Variants in MZT2B observed in about 807,000 individuals in gnomAD.
The protein encoded by MZT2B is mitotic spindle organizing protein 2B, also known as mitotic-spindle organizing protein 2B.
MZT2B carries 11 observed loss-of-function variants against 12.1 expected under a neutral mutation model. That is an observed-to-expected ratio of 0.91 (90% confidence interval 0.57 to 1.50). The LOEUF (loss-of-function observed/expected upper bound fraction) is 1.50. MZT2B is among the 40% of genes most tolerant of loss of function. The probability of loss-of-function intolerance (pLI) is 0.00; values close to 1 mark genes in which losing one functional copy is unlikely to be tolerated. For synonymous variants in MZT2B, 85 were observed against 109.5 expected, an observed-to-expected ratio of 0.78 and a Z score of 1.40; for missense variants, 209 against 227.7, an observed-to-expected ratio of 0.92 and a Z score of 0.53.
the MZT2B span, among the ~76,000 whole-genome samples, chr2:130,203,201 TG>T: frequency 6.6e-6 from 1 of 152,144 alleles, no homozygotes; most frequent in Non-Finnish European, 1.5e-5. Flanking sequence ...TCCTCTAAAA[TG>T]GGGCAGATTT....
the MZT2B span, chr2:130,202,209 A>G: frequency 1.0e-6 from 1 of 956,878 alleles, no homozygotes; most frequent in Non-Finnish European, 1.4e-6. Flanking sequence ...CAGCACTAAA[A>G]AAAACAGTCC....
upstream of MZT2B, chr2:130,182,048 A>G (rs1453068859): frequency 1.5e-6 from 2 of 1,337,406 alleles, no homozygotes. Flanking sequence ...CAAGCAGCGG[A>G]CCCCTGCGGT....
chr2:130,186,141 G>A (rs1438734135), intron 2 of MZT2B, among the ~76,000 whole-genome samples: 4 of 152,034 alleles, frequency 2.6e-5, no homozygotes, highest in Non-Finnish European at 4.4e-5. Flanking sequence ...GAGGACATAA[G>A]GGGGGTTGTT....
chr2:130,182,660 C>A lies in MZT2B; in HGVS notation c.204C>A (p.Ala68=). 1.3e-6 allele frequency: 2 copies of A among 1,552,252 alleles called. No homozygotes were observed. The highest frequency in any genetic ancestry group is 1.7e-6 in the Non-Finnish European group (2 of 1,149,174). Reference sequence around the variant, plus strand: ...TGGACCTGCTGAAGCTGAACGTGGCCCCCCTCGCCGTCTTCCAGATGCTCA... The same window carrying A: ...TGGACCTGCTGAAGCTGAACGTGGCACCCCTCGCCGTCTTCCAGATGCTCA... ...ILVDLLKLNV[A]PLAVFQMLKS... Residue 68 remains alanine (A), a synonymous_variant, in exon 2 of 3, where the codon GCC becomes GCA. Coordinates refer to ENST00000281871, the MANE Select transcript of MZT2B (RefSeq NM_025029.5).
chr2:130,201,917 C>T, the MZT2B span, among the ~76,000 whole-genome samples: 1 of 152,266 alleles, frequency 6.6e-6, no homozygotes, highest in South Asian at 2.1e-4. Flanking sequence ...GGTATTATAA[C>T]TTTATGGGAC....
chr2:130,193,978 C>T (rs747203330), downstream of MZT2B: 8 of 1,614,078 alleles, frequency 5.0e-6, no homozygotes, highest in African/African-American at 8.0e-5. Flanking sequence ...TGATCTCGGC[C>T]ACAGACAGCT....
chr2:130,186,310 C>A (rs957491958), intron 2 of MZT2B, among the ~76,000 whole-genome samples: 1 of 152,094 alleles, frequency 6.6e-6, no homozygotes, highest in South Asian at 2.1e-4. Flanking sequence ...TCCAGACAGC[C>A]TGTGGGGACA....
Position 130,182,840 on chromosome 2 carries a change from C to T in MZT2B, c.319+65C>T, listed in dbSNP as rs1268415668. ...GTGGCGGGCGGGGAGGGGGCAGGCGCGGCACAGCGGCGGCGTGGCCCTGAG... is the reference window on the plus strand; with the variant it reads ...GTGGCGGGCGGGGAGGGGGCAGGCGTGGCACAGCGGCGGCGTGGCCCTGAG... On this transcript the variant is annotated intron_variant, in intron 2 of 2. Transcript: ENST00000281871. 5.6e-6 allele frequency: 8 copies of T among 1,416,524 alleles called. No homozygotes were observed. In the East Asian group the frequency reaches 1.5e-4, roughly 27 times the overall value. The allele number at this position is 1,416,524 out of a possible 1,614,324, so 87.7% of individuals were successfully genotyped here.
chr2:130,182,168 C>T, upstream of MZT2B: 2 of 1,267,490 alleles, frequency 1.6e-6, no homozygotes, highest in Non-Finnish European at 2.0e-6. Flanking sequence ...GCGCTCCCGC[C>T]CCTCCCGCCA....
chr2:130,197,441 C>T, the MZT2B span, among the ~76,000 whole-genome samples: 13 of 100,830 alleles, frequency 1.3e-4, 3 homozygotes, highest in Admixed American at 7.3e-4. Context: ...GAGCCGTGAT[C>T]TTGCAACTGT....
chr2:130,196,491 C>T, the MZT2B span: 23 of 1,392,804 alleles, frequency 1.7e-5, no homozygotes, highest in Admixed American at 2.6e-5. Context: ...CTTTCACAAT[C>T]GATATTTCCT....
intron 2 of MZT2B, chr2:130,185,028 G>A: frequency 2.5e-6 from 1 of 395,674 alleles, no homozygotes; most frequent in Non-Finnish European, 3.4e-6. Flanking sequence ...AGCCAGGCAG[G>A]GCTGGGCGCG....
rs183240124 is a variant in MZT2B at position 130,183,300 on chromosome 2, C to A, written c.319+525C>A. Reference sequence around the variant, plus strand: ...GGCAGAGGTCTTCCTGCCTTTACCCCACCTGGGCCCAGTTCCTGCGCAGGG... The same window carrying A: ...GGCAGAGGTCTTCCTGCCTTTACCCAACCTGGGCCCAGTTCCTGCGCAGGG... On this transcript the variant is annotated intron_variant, in intron 2 of 2. Transcript: ENST00000281871. 3.0e-3 allele frequency: 844 copies of A among 276,822 alleles called. 6 individuals are homozygous for A. Among genetic ancestry groups the A allele is most frequent in the Middle Eastern group, 0.028 (22 of 774 alleles). 17.1% of individuals were successfully genotyped at this position (276,822 alleles called of 1,614,324 possible).
Position 130,182,444 on chromosome 2 carries a change from C to A in MZT2B, c.162C>A (p.Asp54Glu), listed in dbSNP as rs201954757. 2.6e-3 allele frequency: 4,051 copies of A among 1,559,498 alleles called. 27 individuals carry two copies. The Middle Eastern group carries it at 0.03, about 11-fold the overall frequency. The change falls in exon 1 of 3, where the codon GAC becomes GAA. Residue 54 changes from aspartate (D) to glutamate (E), a missense_variant. Coordinates refer to ENST00000281871, the MANE Select transcript of MZT2B (RefSeq NM_025029.5). ...CGGCGGGCGGCGCTATCGACCCCGA[C>A]GTGTTCAAGTGAGCGGGGCGGGTGG... ...AQAAGGAIDP[D>E]VFKILVDLLK...
Position 130,189,788 on chromosome 2 carries a change from ACT to A in MZT2B, c.320-678_320-677del, listed in dbSNP as rs978429590. Among the ~76,000 whole-genome samples, 11 of 152,190 alleles carry A rather than the reference ACT, an allele frequency of 7.2e-5. No individual in the cohort carries two copies. In the East Asian group the frequency reaches 1.4e-3, roughly 19 times the overall value. On this transcript the variant is annotated intron_variant, in intron 2 of 2. Transcript: ENST00000281871. ...AGTAAGCAAATTACAAATCAAAGAAACTCTGAACCAGTGGTCTTCATCCAAGA... is the reference window on the plus strand; with the variant it reads ...AGTAAGCAAATTACAAATCAAAGAAACTGAACCAGTGGTCTTCATCCAAGA...
downstream of MZT2B, among the ~76,000 whole-genome samples, chr2:130,195,428 C>T (rs1191055478): frequency 6.6e-6 from 1 of 152,224 alleles, no homozygotes; most frequent in Non-Finnish European, 1.5e-5. Flanking sequence ...GACTCTACGA[C>T]GTTAAACTCA....
At chr2:130,195,254 A>C, downstream of MZT2B, 4 of 1,611,714 alleles carry the variant, frequency 2.5e-6, no homozygotes, top group Non-Finnish European at 3.4e-6. Context: ...GTGTACTGTG[A>C]ATTTTTAAGG....
chr2:130,189,619 T>C (rs1486709281), intron 2 of MZT2B, among the ~76,000 whole-genome samples: 1 of 152,200 alleles, frequency 6.6e-6, no homozygotes, highest in Non-Finnish European at 1.5e-5. Flanking sequence ...GCAAGCCTGC[T>C]ACCCGGGCAC....
chr2:130,194,215 G>C, downstream of MZT2B: 11 of 1,612,902 alleles, frequency 6.8e-6, no homozygotes, highest in Non-Finnish European at 9.3e-6. Context: ...ATATGTCATA[G>C]ATGGCTTCAT....
Sources: gnomAD v4.1 joint callset for allele counts (sites outside exome capture counted in the v4.1 genomes callset) on GRCh38, gnomAD v4.1.1 for gene constraint, MANE v1.5 for transcripts, NCBI Gene and HGNC (gene_info 2026-07-23, HGNC 2026-07-21) for gene names.